Variants in ELMO1 observed in about 807,000 individuals in gnomAD.
The protein encoded by ELMO1 is engulfment and cell motility protein 1.
ELMO1 carries 26 observed loss-of-function variants against 98.9 expected under a neutral mutation model. That is an observed-to-expected ratio of 0.26 (90% CI 0.19 to 0.36). The LOEUF is 0.36. Ranked by LOEUF, ELMO1 falls within the 10% of genes least tolerant of loss-of-function variation. ELMO1 has a pLI of 1.00. For missense variants in ELMO1, 627 were observed against 935.2 expected (o/e 0.67, Z 4.30); for synonymous variants, 346 against 346.0 (o/e 1.00, Z 0.00).
At chr7:37,249,213 C>T (rs2717957) in intron 6 of ELMO1, among the ~76,000 whole-genome samples, 2,549 of 152,158 alleles carry the variant, frequency 0.017, 28 homozygotes, top group Non-Finnish European at 0.023. Flanking sequence ...ATTTGAATAA[C>T]GAAAGGTTAA....
chr7:37,375,480 G>A (rs1802296401), intron 1 of ELMO1: 1 of 710,310 alleles, frequency 1.4e-6, no homozygotes, highest in Non-Finnish European at 2.5e-6. Flanking sequence ...GATGGAGTCA[G>A]GTATGATTCA....
intron 15 of ELMO1, among the ~76,000 whole-genome samples, chr7:37,048,738 G>A (rs1206458147): frequency 6.6e-6 from 1 of 152,160 alleles, no homozygotes; most frequent in East Asian, 1.9e-4. Flanking sequence ...TTTTCAAGAT[G>A]TTTTCTTATG....
intron 15 of ELMO1, among the ~76,000 whole-genome samples, chr7:37,096,040 A>G (rs553680831): frequency 1.2e-4 from 18 of 152,248 alleles, no homozygotes; most frequent in Non-Finnish European, 2.4e-4. Flanking sequence ...GAAAATTATC[A>G]TCCTTTCTTT....
In ELMO1 at chr7:37,397,960, T is replaced by C. The variant is rs138514572; in HGVS notation, c.-74+50715A>G. Among the ~76,000 whole-genome samples, 596 of 152,102 alleles carry C rather than the reference T, an allele frequency of 3.9e-3. 5 individuals are homozygous for C. Among genetic ancestry groups the C allele is most frequent in the African/African-American group, 0.014 (574 of 41,464 alleles). ...GTGGGAGCTGAACAATGAGAACACA[T>C]GGACACAGGGAGAAGAAAAACACAC... On this transcript the variant is annotated intron_variant, in intron 1 of 21. Coordinates refer to ENST00000310758, the MANE Select transcript of ELMO1 (RefSeq NM_014800.11).
chr7:37,059,913 G>A (rs1312526737), intron 15 of ELMO1, among the ~76,000 whole-genome samples: 4 of 152,238 alleles, frequency 2.6e-5, no homozygotes, highest in African/African-American at 9.6e-5. Context: ...TGGGCCACCT[G>A]TTGGCGTTTA....
At chr7:37,391,907 G>A (rs1583674946) in intron 1 of ELMO1, among the ~76,000 whole-genome samples, 1 of 152,202 alleles carries the variant, frequency 6.6e-6, no homozygotes, top group South Asian at 2.1e-4. Flanking sequence ...GTAGGGAAGT[G>A]TGTGTACCCC....
At chr7:37,065,439 C>T (rs1796905593) in intron 15 of ELMO1, among the ~76,000 whole-genome samples, 1 of 152,146 alleles carries the variant, frequency 6.6e-6, no homozygotes, top group South Asian at 2.1e-4. Context: ...ACAATTCAGT[C>T]CTCTTCTAAC....
At chr7:37,403,460 A>G (rs975939631) in intron 1 of ELMO1, among the ~76,000 whole-genome samples, 4 of 152,166 alleles carry the variant, frequency 2.6e-5, no homozygotes, top group Admixed American at 2.0e-4. Context: ...GCATAGGTGA[A>G]GCATCGTGGA....
At chr7:37,295,197 C>G (rs1353682549) in intron 4 of ELMO1, among the ~76,000 whole-genome samples, 1 of 152,110 alleles carries the variant, frequency 6.6e-6, no homozygotes, top group Non-Finnish European at 1.5e-5. Flanking sequence ...CTACTACTTA[C>G]CTCTGGGGAG....
At chr7:37,277,147 C>A (rs1796883172) in intron 4 of ELMO1, among the ~76,000 whole-genome samples, 1 of 152,220 alleles carries the variant, frequency 6.6e-6, no homozygotes, top group African/African-American at 2.4e-5. Context: ...GGCACCAAGG[C>A]AGATACAAAG....
intron 1 of ELMO1, among the ~76,000 whole-genome samples, chr7:37,371,511 A>C (rs1050189405): frequency 3.9e-5 from 6 of 152,186 alleles, no homozygotes; most frequent in Non-Finnish European, 7.3e-5. Flanking sequence ...TATGTGAAAC[A>C]CCAAACTTAA....
At chr7:36,928,306 CCCA>C (rs1236429747) in intron 16 of ELMO1, among the ~76,000 whole-genome samples, 3 of 152,158 alleles carry the variant, frequency 2.0e-5, no homozygotes, top group African/African-American at 4.8e-5. Flanking sequence ...TGCCTCCTTT[CCCA>C]CCGACTCAAC....
At chr7:37,174,041 GAATCTGCCCAATT>G (rs1292512673) in intron 13 of ELMO1, among the ~76,000 whole-genome samples, 1 of 152,162 alleles carries the variant, frequency 6.6e-6, no homozygotes, top group African/African-American at 2.4e-5. Context: ...TCTTTGCCTT[GAATCTGCCCAATT>G]ACCTCATCAA....
intron 15 of ELMO1, among the ~76,000 whole-genome samples, chr7:37,073,277 A>G (rs1181531337): frequency 6.6e-6 from 1 of 152,196 alleles, no homozygotes; most frequent in Non-Finnish European, 1.5e-5. Flanking sequence ...TACTGATGAT[A>G]ATTTTGAGGG....
At chr7:36,916,288 A>G (rs1411552275) in intron 16 of ELMO1, among the ~76,000 whole-genome samples, 2 of 152,206 alleles carry the variant, frequency 1.3e-5, no homozygotes, top group Non-Finnish European at 2.9e-5. Flanking sequence ...GGGATCATCT[A>G]GGTCCAGCTT....
At chr7:37,360,466 T>C (rs977203320) in intron 1 of ELMO1, among the ~76,000 whole-genome samples, 1 of 150,396 alleles carries the variant, frequency 6.6e-6, no homozygotes, top group Admixed American at 6.6e-5. Context: ...TTCAAACATC[T>C]ACATAAAGTT....
intron 15 of ELMO1, among the ~76,000 whole-genome samples, chr7:37,031,539 C>A (rs1794882415): frequency 6.6e-6 from 1 of 152,160 alleles, no homozygotes; most frequent in Non-Finnish European, 1.5e-5. Flanking sequence ...AGCAGTTGTT[C>A]CCACTTCCAG....
At chr7:37,276,752 G>C (rs1796858969) in intron 4 of ELMO1, among the ~76,000 whole-genome samples, 1 of 152,154 alleles carries the variant, frequency 6.6e-6, no homozygotes, top group South Asian at 2.1e-4. Flanking sequence ...TACCCAGCAG[G>C]ATAACAAATA....
intron 17 of ELMO1, among the ~76,000 whole-genome samples, chr7:36,891,313 G>T (rs1345499141): frequency 6.6e-6 from 1 of 152,196 alleles, no homozygotes; most frequent in African/African-American, 2.4e-5. Flanking sequence ...TTAGATATTT[G>T]TCAGCTGTCT....
Sources: gnomAD v4.1 joint callset for allele counts (sites outside exome capture counted in the v4.1 genomes callset) on GRCh38, gnomAD v4.1.1 for gene constraint, MANE v1.5 for transcripts, NCBI Gene and HGNC (gene_info 2026-07-23, HGNC 2026-07-21) for gene names.